Variants in CNTN4 observed in about 807,000 individuals in gnomAD.
CNTN4 encodes the protein contactin 4.
A neutral mutation model predicts 122.5 loss-of-function variants in CNTN4; 77 were observed. That is an observed-to-expected ratio of 0.63 (90% confidence interval 0.52 to 0.76). The LOEUF (loss-of-function observed/expected upper bound fraction) is 0.76, where lower values mean the gene tolerates loss of function less well. CNTN4 is among the 30% of genes least tolerant of loss of function. The probability of loss-of-function intolerance (pLI) is 0.00; values close to 1 mark genes in which losing one functional copy is unlikely to be tolerated. For synonymous variants in CNTN4, 512 were observed against 447.0 expected, an observed-to-expected ratio of 1.15 and a Z score of -1.83; for missense variants, 1,256 against 1,259.1, an observed-to-expected ratio of 1.00 and a Z score of 0.04.
chr3:2,099,540 C>A (rs748930524), intron 1 of CNTN4: 1 of 153,286 alleles, frequency 6.5e-6, no homozygotes, highest in Non-Finnish European at 1.5e-5. Flanking sequence ...TGGAAGGAGC[C>A]GCGTGGAGAC....
chr3:2,572,171 C>A (rs1429112578), intron 4 of CNTN4, among the ~76,000 whole-genome samples: 2 of 152,044 alleles, frequency 1.3e-5, no homozygotes. Context: ...GTGGATCACC[C>A]GAGGTCAGAA....
chr3:2,948,418 T>C (rs1291654351), intron 13 of CNTN4, among the ~76,000 whole-genome samples: 4 of 152,082 alleles, frequency 2.6e-5, no homozygotes, highest in African/African-American at 9.7e-5. Context: ...TGAACTTGGG[T>C]GTTGTGACTG....
intron 4 of CNTN4, among the ~76,000 whole-genome samples, chr3:2,626,580 C>A (rs555278746): frequency 1.1e-4 from 16 of 151,974 alleles, no homozygotes; most frequent in African/African-American, 3.9e-4. Flanking sequence ...CCCCTTATAT[C>A]ATTTAAGAGG....
chr3:2,353,898 CA>C (rs907358740), intron 3 of CNTN4, among the ~76,000 whole-genome samples: 121 of 150,176 alleles, frequency 8.1e-4, no homozygotes, highest in African/African-American at 2.9e-3. Flanking sequence ...GACTCCGTCT[CA>C]AAAAAAACAA....
chr3:2,443,471 G>A (rs766678338), intron 3 of CNTN4, among the ~76,000 whole-genome samples: 1 of 152,122 alleles, frequency 6.6e-6, no homozygotes, highest in Non-Finnish European at 1.5e-5. Context: ...CCACCAGGGC[G>A]ACTGCCCTTT....
chr3:2,714,433 G>A (rs2087353339), intron 4 of CNTN4, among the ~76,000 whole-genome samples: 1 of 152,136 alleles, frequency 6.6e-6, no homozygotes, highest in Admixed American at 6.5e-5. Flanking sequence ...GAAGTGTTGG[G>A]GTTGGAGATG....
chr3:2,235,321 A>G (rs2039639241), intron 2 of CNTN4, among the ~76,000 whole-genome samples: 1 of 152,224 alleles, frequency 6.6e-6, no homozygotes, highest in Non-Finnish European at 1.5e-5. Flanking sequence ...GCTTATTAAT[A>G]TCCAAGTTAA....
At chr3:2,550,009 A>G (rs566595558) in intron 3 of CNTN4, among the ~76,000 whole-genome samples, 132 of 152,068 alleles carry the variant, frequency 8.7e-4, no homozygotes, top group African/African-American at 2.9e-3. Context: ...ACTATTCTCT[A>G]ATGGTAGTTT....
At chr3:2,371,395 C>A (rs953448472) in intron 3 of CNTN4, among the ~76,000 whole-genome samples, 8 of 152,182 alleles carry the variant, frequency 5.3e-5, no homozygotes, top group Non-Finnish European at 1.0e-4. Context: ...AAATTACAAA[C>A]CCCAACCCCA....
intron 2 of CNTN4, among the ~76,000 whole-genome samples, chr3:2,247,517 A>T (rs549911749): frequency 6.6e-6 from 1 of 151,970 alleles, no homozygotes; most frequent in Non-Finnish European, 1.5e-5. Context: ...TTACAGGGAA[A>T]ATTGCTATTT....
At chr3:2,166,881 A>G (rs1301359525) in intron 2 of CNTN4, among the ~76,000 whole-genome samples, 1 of 152,150 alleles carries the variant, frequency 6.6e-6, no homozygotes, top group African/African-American at 2.4e-5. Flanking sequence ...TGGCTAGAGA[A>G]TGCAAAATAA....
chr3:2,507,995 C>G (rs1397694342), intron 3 of CNTN4, among the ~76,000 whole-genome samples: 1 of 152,058 alleles, frequency 6.6e-6, no homozygotes, highest in Non-Finnish European at 1.5e-5. Flanking sequence ...GCTCATAGGT[C>G]AATTTGATGT....
intron 3 of CNTN4, among the ~76,000 whole-genome samples, chr3:2,413,816 C>T (rs1049069400): frequency 6.6e-6 from 1 of 152,202 alleles, no homozygotes; most frequent in Non-Finnish European, 1.5e-5. Flanking sequence ...GCTGGGATTA[C>T]AGGCATGAGC....
intron 4 of CNTN4, among the ~76,000 whole-genome samples, chr3:2,660,914 G>T (rs2083858829): frequency 6.6e-6 from 1 of 152,180 alleles, no homozygotes; most frequent in African/African-American, 2.4e-5. Flanking sequence ...ATGGCAAAAT[G>T]ATTTACTAAA....
intron 4 of CNTN4, among the ~76,000 whole-genome samples, chr3:2,572,022 A>C (rs539342911): frequency 5.1e-4 from 78 of 152,336 alleles, no homozygotes; most frequent in African/African-American, 1.9e-3. Flanking sequence ...ACAGTTTAGT[A>C]GGAACTAGAA....
intron 2 of CNTN4, among the ~76,000 whole-genome samples, chr3:2,247,286 T>C (rs2040194034): frequency 6.6e-6 from 1 of 152,036 alleles, no homozygotes; most frequent in African/African-American, 2.4e-5. Flanking sequence ...AATCATCAGA[T>C]GCCATAGTGT....
intron 3 of CNTN4, among the ~76,000 whole-genome samples, chr3:2,415,935 A>G (rs1038493811): frequency 5.3e-5 from 8 of 152,106 alleles, no homozygotes; most frequent in African/African-American, 1.7e-4. Flanking sequence ...CATTTGTTTT[A>G]CTGTGCTCTA....
chr3:2,363,913 C>T (rs1018171429), intron 3 of CNTN4, among the ~76,000 whole-genome samples: 1 of 152,062 alleles, frequency 6.6e-6, no homozygotes, highest in African/African-American at 2.4e-5. Context: ...AGGTGATTTC[C>T]TACAAATAGA....
rs1272106204 is a variant in CNTN4 at position 2,275,947 on chromosome 3, AT to A, written c.-144-63230del. On this transcript the variant is annotated intron_variant, in intron 2 of 24. Coordinates refer to ENST00000418658, the MANE Select transcript of CNTN4 (RefSeq NM_175607.3). Reference sequence around the variant, plus strand: ...AAAAAAAAAAAAAAAACAAAAAAAAATATTAAATCTTGATTTGAAAGATTTG... The same window carrying A: ...AAAAAAAAAAAAAAAACAAAAAAAAAATTAAATCTTGATTTGAAAGATTTG... Among the ~76,000 whole-genome samples the A allele has an allele frequency of 3.9e-4, 56 of 145,204 alleles. 1 individual carries two copies. Among genetic ancestry groups the A allele is most frequent in the African/African-American group, 1.3e-3 (52 of 39,626 alleles).
Sources: allele counts gnomAD v4.1 joint callset (sites outside exome capture counted in the v4.1 genomes callset), GRCh38; gene constraint gnomAD v4.1.1; transcripts MANE v1.5; gene names NCBI Gene and HGNC (gene_info 2026-07-23, HGNC 2026-07-21).